The following PMEL variants were observed in gnomAD, a reference collection of about 807,000 sequenced individuals.
PMEL encodes melanocyte protein PMEL.
In PMEL, 53 loss-of-function variants were observed where a neutral mutation model predicts 64.9. The observed-to-expected ratio is 0.82, with a 90% confidence interval of 0.66 to 1.03. PMEL has a LOEUF of 1.03. Among genes scored for constraint, PMEL ranks in the 50% least tolerant of loss-of-function variants. PMEL has a pLI of 0.00. For missense variants in PMEL, 716 were observed against 814.9 expected (o/e 0.88, Z 1.48); for synonymous variants, 299 against 316.2 (o/e 0.95, Z 0.58).
Position 55,957,687 on chromosome 12 carries a change from G to C in PMEL, c.632-16C>G, listed in dbSNP as rs1888945214. ...GGCACCTGGTCTGGGATTGGAGCCA[G>C]AAAAGGTGAGAACCAGGCCTGAGCC... On this transcript the variant is annotated splice_polypyrimidine_tract_variant and intron_variant, in intron 5 of 10. Transcript: ENST00000548747. 6.3e-7 allele frequency: 1 copy of C among 1,598,270 alleles called. No individual in the cohort carries two copies. Among genetic ancestry groups the C allele is most frequent in the Admixed American group, 1.7e-5 (1 of 59,006 alleles).
chr12:55,961,785 G>T, intron 1 of PMEL, 53 bp from the exon 2 acceptor site: 1 of 1,132,892 alleles, frequency 8.8e-7, no homozygotes, highest in Non-Finnish European at 1.3e-6. Context: ...TCCTTCTCAG[G>T]GATAACACTC....
At chr12:55,955,897 C>G in intron 7 of PMEL, 34 bp from the exon 8 acceptor site, 1 of 1,573,620 alleles carries the variant, frequency 6.4e-7, no homozygotes, top group Non-Finnish European at 8.7e-7. Context: ...ATTAGGATTC[C>G]TCTACCTGGC....
At chr12:55,965,897 C>G (rs1480435046) in intron 1 of PMEL, 39 bp downstream of exon 1, 3 of 1,613,240 alleles carry the variant, frequency 1.9e-6, no homozygotes, top group Non-Finnish European at 2.5e-6. Flanking sequence ...AATTCATCCC[C>G]AAGTTCACAC....
chr12:55,956,639 C>A, intron 6 of PMEL: 1 of 339,004 alleles, frequency 2.9e-6, no homozygotes, highest in South Asian at 5.3e-5. Flanking sequence ...TATGCTTGAA[C>A]AGAAAATGAG....
upstream of PMEL, chr12:55,966,208 GAC>G: frequency 1.3e-6 from 1 of 797,036 alleles, no homozygotes; most frequent in East Asian, 2.7e-5. Context: ...GCTACTCAAT[GAC>G]AGTTTCTGGT....
At position 55,957,259 on chromosome 12, in the gene PMEL, G is replaced by A. The variant is rs1472276689; in HGVS notation, c.1044C>T (p.Thr348=). 1 of 1,613,696 alleles carries A rather than the reference G, an allele frequency of 6.2e-7. No individual in the cohort carries two copies. The highest frequency in any genetic ancestry group is 8.5e-7 in the Non-Finnish European group (1 of 1,179,662). The change falls in exon 6 of 11, where the codon ACC becomes ACT. Residue 348 remains threonine, a synonymous_variant. Transcript: ENST00000548747. The part of the protein sequence containing the change: ...GQAPTAEPSG[T]TSVQVPTTEV... ...CAGTGGTTGGCACCTGCACAGATGT[G>A]GTTCCAGAGGGCTCTGCAGTTGGCG... is the stretch of plus-strand genomic sequence containing the variant.
intron 1 of PMEL, among the ~76,000 whole-genome samples, chr12:55,963,028 G>A (rs1889164592): frequency 6.6e-6 from 1 of 151,894 alleles, no homozygotes; most frequent in African/African-American, 2.4e-5. Flanking sequence ...GTGGTAGTGG[G>A]CACCTGTAGT....
At chr12:55,959,297 A>T (rs1889012653) in intron 3 of PMEL, among the ~76,000 whole-genome samples, 1 of 151,854 alleles carries the variant, frequency 6.6e-6, no homozygotes, top group Non-Finnish European at 1.5e-5. Context: ...AGGAAGGAGG[A>T]TCACTTGAGC....
rs1456231949 is a variant in PMEL, at chr12:55,965,148, C to T, written c.76+788G>A. Among the ~76,000 whole-genome samples the T allele has an allele frequency of 4.0e-5, 6 of 151,754 alleles. No individual in the cohort carries two copies. The South Asian group carries it at 6.2e-4, about 16-fold the overall frequency. On this transcript the variant is annotated intron_variant, in intron 1 of 10. Coordinates refer to ENST00000548747, the MANE Select transcript of PMEL (RefSeq NM_001384361.1). ...TTCACCATATTGGCCAGGCTGGTCTCGAACTCCTGACCTCGTGATCCACCT... is the reference window on the plus strand; with the variant it reads ...TTCACCATATTGGCCAGGCTGGTCTTGAACTCCTGACCTCGTGATCCACCT...
chr12:55,955,749 G>A, intron 8 of PMEL, 30 bp downstream of exon 8: 1 of 1,609,800 alleles, frequency 6.2e-7, no homozygotes, highest in African/African-American at 1.3e-5. Context: ...GTCAACCAAA[G>A]AGTTACCAGC....
chr12:55,958,054 A>G lies in PMEL; in HGVS notation c.500T>C (p.Val167Ala). The change falls in exon 5 of 11, where the codon GTG becomes GCG. Residue 167 changes from valine to alanine, a missense_variant. Transcript: ENST00000548747. Reference sequence around the variant, plus strand: ...GCCTGTCCCAATGCTCAGCCCAGACACTGGGCCCCCTAGAACTTGCCAGTA... The same window carrying G: ...GCCTGTCCCAATGCTCAGCCCAGACGCTGGGCCCCCTAGAACTTGCCAGTA... ...GQYWQVLGGP[V>A]SGLSIGTGRA... is the part of the protein sequence containing the mutation. The G allele has an allele frequency of 6.2e-7, 1 of 1,614,136 alleles. No homozygotes were observed. The highest frequency in any genetic ancestry group is 8.5e-7 in the Non-Finnish European group (1 of 1,180,012).
In PMEL at chr12:55,963,092, G is replaced by A. The variant is rs191597062; in HGVS notation, c.77-1360C>T. 5.3e-5 allele frequency among the ~76,000 whole-genome samples: 8 copies of A among 151,726 alleles called. No individual in the cohort carries two copies. The East Asian group carries it at 1.4e-3, about 26-fold the overall frequency. ...GAATTGCTTGAACCCAGGAGGCGGA[G>A]GTGGCAGTGAGCCGAGATCACACCA... On this transcript the variant is annotated intron_variant, in intron 1 of 10. Transcript: ENST00000548747.
At position 55,955,323 on chromosome 12, in the gene PMEL, C is replaced by T. The variant is rs1218040594; in HGVS notation, c.1801G>A (p.Gly601Ser). The T allele has an allele frequency of 6.2e-7, 1 of 1,614,012 alleles. No individual in the cohort carries two copies. The highest frequency in any genetic ancestry group is 1.7e-5 in the Admixed American group (1 of 59,986). ...ACAGCCATCAACACCAGCAAGATGC[C>T]CACGATCAGCGGAACCTGCCCAAGG... ...AGLGQVPLIV[G>S]ILLVLMAVVL... is the part of the protein sequence containing the mutation. The change falls in exon 10 of 11, where the codon GGC (glycine) becomes AGC (serine). Residue 601 changes from glycine to serine, a missense_variant. Physicochemically the swap from Gly to Ser is moderately conservative, Grantham distance 56 (BLOSUM62 0). Coordinates refer to ENST00000548747, the MANE Select transcript of PMEL (RefSeq NM_001384361.1).
intron 3 of PMEL, among the ~76,000 whole-genome samples, chr12:55,960,551 T>G (rs1889064880): frequency 7.0e-6 from 1 of 142,906 alleles, no homozygotes. Flanking sequence ...TTTTTTTTTT[T>G]TTTTTTTTTG....
At chr12:55,955,220 T>G in intron 10 of PMEL, 54 bp downstream of exon 10, 15 of 1,266,752 alleles carry the variant, frequency 1.2e-5, no homozygotes, top group Non-Finnish European at 1.7e-5. Context: ...TGAGGAAAAG[T>G]GAGTAGTGAT....
chr12:55,958,657 A>T (rs541203828), intron 3 of PMEL, 50 bp from the exon 4 acceptor site: 1 of 1,588,072 alleles, frequency 6.3e-7, no homozygotes, highest in South Asian at 1.1e-5. Flanking sequence ...TCTTTTTTGT[A>T]TATCAAAACC....
rs140466024 is a variant in PMEL at position 55,959,537 on chromosome 12, G to A, written c.335-930C>T. On this transcript the variant is annotated intron_variant, in intron 3 of 10. Coordinates refer to ENST00000548747, the MANE Select transcript of PMEL (RefSeq NM_001384361.1). ...CAGCACTAGGGGGCCAGGCGCAGTG[G>A]CTCACACCTGTAATCCTAGCACTTT... Among the ~76,000 whole-genome samples, 859 of 152,154 alleles carry A rather than the reference G, an allele frequency of 5.6e-3. 7 individuals are homozygous for A. The highest frequency in any genetic ancestry group is 9.5e-3 in the Non-Finnish European group (646 of 68,010).
intron 1 of PMEL, among the ~76,000 whole-genome samples, chr12:55,962,289 C>CA (rs200624989): frequency 1 from 150,089 of 150,104 alleles, 75,037 homozygotes; most frequent in East Asian, 1. Flanking sequence ...ACTAAAAATA[C>CA]AAAATTAGCC....
chr12:55,957,383 G>T lies in PMEL; in HGVS notation c.920C>A (p.Pro307Gln), dbSNP rs775241023. The T allele has an allele frequency of 1.3e-6, 2 of 1,598,310 alleles. No individual in the cohort carries two copies. The highest frequency in any genetic ancestry group is 4.5e-5 in the East Asian group (2 of 44,686). Residue 307 changes from proline to glutamine, a missense_variant, in exon 6 of 11, where the codon CCA (proline) becomes CAA (glutamine). Transcript: ENST00000548747. ...PLTSCGSSPVPGTTDGHRPTA... is the reference protein window; with the variant it reads ...PLTSCGSSPVQGTTDGHRPTA... ...TGGCCTGTGCCCATCTGTGGTGCCT[G>T]GAACTGGGGAGGAGCCACAGGAGGT... is the stretch of plus-strand genomic sequence containing the variant.
Sources: allele counts gnomAD v4.1 joint callset (sites outside exome capture counted in the v4.1 genomes callset), GRCh38; gene constraint gnomAD v4.1.1; transcripts MANE v1.5; gene names NCBI Gene and HGNC (gene_info 2026-07-23, HGNC 2026-07-21).